INO80D: variants seen among roughly 807,000 people sequenced by gnomAD.
INO80D encodes INO80 complex subunit D.
A neutral mutation model predicts 87.6 loss-of-function variants in INO80D; 21 were observed. The observed-to-expected ratio is 0.24, with a 90% CI of 0.17 to 0.35. The LOEUF (loss-of-function observed/expected upper bound fraction) is 0.35, where lower values mean the gene tolerates loss of function less well. Among genes scored for constraint, INO80D ranks in the 10% least tolerant of loss-of-function variants. The probability of loss-of-function intolerance (pLI) is 1.00; values close to 1 mark genes in which losing one functional copy is unlikely to be tolerated. For missense variants in INO80D, 982 were observed against 1,280.7 expected (o/e 0.77, Z 3.56); for synonymous variants, 440 against 491.0 (o/e 0.90, Z 1.37).
At chr2:206,027,470 G>A (rs1337056849) in intron 6 of INO80D, among the ~76,000 whole-genome samples, 1 of 152,166 alleles carries the variant, frequency 6.6e-6, no homozygotes, top group South Asian at 2.1e-4. Context: ...AGGTAAAGGT[G>A]GGAGGATCGC....
intron 8 of INO80D, among the ~76,000 whole-genome samples, chr2:206,016,695 G>A (rs1359417247): frequency 6.6e-6 from 1 of 152,222 alleles, no homozygotes; most frequent in Non-Finnish European, 1.5e-5. Flanking sequence ...TTGTGGGAGG[G>A]ACCTGGTGGG....
intron 5 of INO80D, among the ~76,000 whole-genome samples, chr2:206,041,510 T>C (rs1689050599): frequency 6.6e-6 from 1 of 152,148 alleles, no homozygotes; most frequent in African/African-American, 2.4e-5. Flanking sequence ...ATCAAAACAA[T>C]CTTAAACAAT....
chr2:206,070,810 T>C (rs544945234), intron 1 of INO80D, among the ~76,000 whole-genome samples: 5 of 152,272 alleles, frequency 3.3e-5, no homozygotes, highest in African/African-American at 1.2e-4. Context: ...GTTGTGCTTT[T>C]TTTTATCTAC....
intron 5 of INO80D, among the ~76,000 whole-genome samples, chr2:206,042,499 TG>T (rs1327889048): frequency 6.6e-6 from 1 of 151,698 alleles, no homozygotes; most frequent in Non-Finnish European, 1.5e-5. Flanking sequence ...CTGGCCAACA[TG>T]GTGAAACCCT....
intron 4 of INO80D, among the ~76,000 whole-genome samples, chr2:206,052,806 T>A (rs1236759929): frequency 6.8e-6 from 1 of 147,218 alleles, no homozygotes; most frequent in African/African-American, 2.5e-5. Context: ...AAAAAAAAAA[T>A]TATATTTTAA....
chr2:206,077,460 G>C (rs950239546), intron 1 of INO80D, among the ~76,000 whole-genome samples: 4 of 152,080 alleles, frequency 2.6e-5, no homozygotes, highest in Admixed American at 1.3e-4. Context: ...TTTCTGAATA[G>C]TTTCCTATAA....
Position 206,008,659 on chromosome 2 carries a change from GA to G in INO80D, c.1760+917del, listed in dbSNP as rs2105799768. On this transcript the variant is annotated intron_variant, in intron 9 of 10. Transcript: ENST00000403263. The stretch of plus-strand genomic sequence containing the variant: ...CCCCTATTTTAAAAGAAGGAAATCT[GA>G]AAGTAGAGTCACTGCAAAAATACAT... Among the ~76,000 whole-genome samples the G allele has an allele frequency of 3.3e-5, 5 of 152,256 alleles. No homozygotes were observed. The East Asian group carries it at 9.6e-4, about 29-fold the overall frequency.
intron 1 of INO80D, among the ~76,000 whole-genome samples, chr2:206,065,601 C>T (rs1689793217): frequency 6.6e-6 from 1 of 152,098 alleles, no homozygotes; most frequent in Non-Finnish European, 1.5e-5. Context: ...AAAAAGACAA[C>T]CTACGGAATG....
At chr2:206,059,801 T>C (rs935665361) in intron 3 of INO80D, among the ~76,000 whole-genome samples, 2 of 152,312 alleles carry the variant, frequency 1.3e-5, no homozygotes, top group East Asian at 3.9e-4. Context: ...AGGTCCCATA[T>C]ATATCTTAAA....
intron 1 of INO80D, among the ~76,000 whole-genome samples, chr2:206,070,930 A>G (rs893799956): frequency 6.6e-6 from 1 of 150,438 alleles, no homozygotes; most frequent in Non-Finnish European, 1.5e-5. Context: ...TAACAATAAA[A>G]GTCTATTTAA....
At position 205,996,996 on chromosome 2, in the gene INO80D, G is replaced by A. The variant is rs1157857435; in HGVS notation, c.*7372C>T. The A allele has an allele frequency of 6.6e-6, 1 of 152,034 alleles. No individual in the cohort carries two copies. Among genetic ancestry groups the A allele is most frequent in the African/African-American group, 2.4e-5 (1 of 41,406 alleles). 9.4% of individuals were successfully genotyped at this position (152,034 alleles called of 1,614,324 possible). A position where few individuals can be genotyped will look rare whatever the true frequency, so the allele number is the denominator to read the frequency against. On this transcript the variant is annotated 3_prime_UTR_variant, in exon 11 of 11. Coordinates refer to ENST00000403263, the MANE Select transcript of INO80D (RefSeq NM_017759.5). ...ACTGTAGAAAAGAACAGCATATAGA[G>A]CTTTCCTAGATCTTCACTATATCTA...
chr2:206,029,097 C>G (rs1239615090), intron 5 of INO80D, among the ~76,000 whole-genome samples: 1 of 152,004 alleles, frequency 6.6e-6, no homozygotes, highest in South Asian at 2.1e-4. Flanking sequence ...ACCATGTTAG[C>G]TAGGATGGTC....
intron 2 of INO80D, 45 bp downstream of exon 2, chr2:206,063,106 T>A: frequency 1.1e-6 from 1 of 890,060 alleles, no homozygotes; most frequent in Non-Finnish European, 1.7e-6. Context: ...AAGGCAGATT[T>A]AAGTTGAGAA....
chr2:206,017,246 A>C (rs1320490731), intron 8 of INO80D, among the ~76,000 whole-genome samples: 1 of 152,230 alleles, frequency 6.6e-6, no homozygotes, highest in Non-Finnish European at 1.5e-5. Context: ...GGATGAAAAC[A>C]ATAAAAATGA....
chr2:206,043,528 T>C (rs1173155306), intron 5 of INO80D, among the ~76,000 whole-genome samples: 4 of 147,070 alleles, frequency 2.7e-5, no homozygotes, highest in Admixed American at 2.7e-4. Context: ...CGCTCTGTCA[T>C]CCAGGCTGGA....
intron 1 of INO80D, among the ~76,000 whole-genome samples, chr2:206,065,279 A>T (rs866063602): frequency 2.8e-4 from 43 of 151,984 alleles, no homozygotes; most frequent in African/African-American, 9.9e-4. Context: ...GACCAGCCTG[A>T]CTAACAAGGT....
At chr2:206,014,063 T>C (rs1053912947) in intron 8 of INO80D, among the ~76,000 whole-genome samples, 2 of 149,596 alleles carry the variant, frequency 1.3e-5, no homozygotes, top group Non-Finnish European at 3.0e-5. Context: ...GAGGTTGAGG[T>C]GCAAGAATCA....
intron 6 of INO80D, 31 bp downstream of exon 6, chr2:206,028,080 T>A (rs1271495621): frequency 1.4e-6 from 2 of 1,422,638 alleles, no homozygotes; most frequent in South Asian, 2.6e-5. Context: ...CTGAGATGAG[T>A]CCCTTAAGAA....
chr2:206,078,561 T>G (rs1331936670), intron 1 of INO80D, among the ~76,000 whole-genome samples: 6 of 152,178 alleles, frequency 3.9e-5, no homozygotes, highest in Non-Finnish European at 8.8e-5. Context: ...TATGGCAGGC[T>G]GAGGCAGAAG....
Sources: gnomAD v4.1 joint callset for allele counts (sites outside exome capture counted in the v4.1 genomes callset) on GRCh38, gnomAD v4.1.1 for gene constraint, MANE v1.5 for transcripts, NCBI Gene and HGNC (gene_info 2026-07-23, HGNC 2026-07-21) for gene names.